MACROD2: variants seen among roughly 807,000 people sequenced by gnomAD.
MACROD2 encodes the protein mono-ADP ribosylhydrolase 2, also known as ADP-ribose glycohydrolase MACROD2.
MACROD2 carries 36 observed loss-of-function variants against 70.4 expected under a neutral mutation model. That is an observed-to-expected ratio of 0.51 (90% CI 0.39 to 0.68). The LOEUF (loss-of-function observed/expected upper bound fraction) is 0.68. Ranked by LOEUF, MACROD2 falls within the 30% of genes least tolerant of loss-of-function variation. The pLI is 0.00. For missense variants in MACROD2, 496 were observed against 538.4 expected, an observed-to-expected ratio of 0.92 and a Z score of 0.78; for synonymous variants, 172 against 178.8, an observed-to-expected ratio of 0.96 and a Z score of 0.30.
chr20:15,971,431 A>G (rs949444027), intron 13 of MACROD2, among the ~76,000 whole-genome samples: 2 of 151,180 alleles, frequency 1.3e-5, no homozygotes, highest in African/African-American at 4.9e-5. Context: ...CCCTGCACAC[A>G]CTCTCTTGCC....
chr20:15,443,477 T>G (rs2146378997), intron 7 of MACROD2, among the ~76,000 whole-genome samples: 1 of 152,258 alleles, frequency 6.6e-6, no homozygotes, highest in African/African-American at 2.4e-5. Context: ...TGAACTGAAA[T>G]TAACAAAATC....
chr20:15,973,724 A>T (rs577076286), intron 13 of MACROD2, among the ~76,000 whole-genome samples: 1 of 152,368 alleles, frequency 6.6e-6, no homozygotes, highest in South Asian at 2.1e-4. Context: ...CTTTAAAAGT[A>T]TAAAGTTAGA....
At chr20:15,699,396 T>C (rs1269737336) in intron 8 of MACROD2, among the ~76,000 whole-genome samples, 1 of 152,150 alleles carries the variant, frequency 6.6e-6, no homozygotes, top group East Asian at 1.9e-4. Flanking sequence ...TGGTACTGGG[T>C]GTTGTCTGCA....
At chr20:15,183,843 A>G (rs1360521816) in intron 5 of MACROD2, among the ~76,000 whole-genome samples, 1 of 152,204 alleles carries the variant, frequency 6.6e-6, no homozygotes, top group African/African-American at 2.4e-5. Flanking sequence ...TACAGCCACT[A>G]CCTGGAACAA....
At chr20:14,551,602 A>G (rs886560646) in intron 4 of MACROD2, among the ~76,000 whole-genome samples, 2 of 152,170 alleles carry the variant, frequency 1.3e-5, no homozygotes, top group African/African-American at 2.4e-5. Context: ...CACAACTATT[A>G]CCTTTTGCAA....
intron 6 of MACROD2, among the ~76,000 whole-genome samples, chr20:15,417,598 C>CAAAAAAAA (rs71340225): frequency 5.8e-5 from 4 of 69,282 alleles, no homozygotes; most frequent in Admixed American, 1.8e-4. Flanking sequence ...AACCCTGTCT[C>CAAAAAAAA]AAAAAAAAAA....
intron 5 of MACROD2, among the ~76,000 whole-genome samples, chr20:14,895,822 T>C (rs1451076394): frequency 1.3e-5 from 2 of 152,162 alleles, no homozygotes; most frequent in Non-Finnish European, 2.9e-5. Context: ...ATAATTAAAT[T>C]TTTAGATAAG....
intron 8 of MACROD2, among the ~76,000 whole-genome samples, chr20:15,772,097 AAAAAAT>A (rs1250298286): frequency 1.1e-4 from 10 of 93,430 alleles, no homozygotes; most frequent in East Asian, 5.1e-4. Flanking sequence ...AAAAAAAAAA[AAAAAAT>A]ATATATATAT....
At chr20:15,679,378 G>A (rs1477140513) in intron 8 of MACROD2, among the ~76,000 whole-genome samples, 3 of 152,138 alleles carry the variant, frequency 2.0e-5, no homozygotes, top group Non-Finnish European at 4.4e-5. Flanking sequence ...CATAGCAGGT[G>A]CACCAGGCAA....
intron 4 of MACROD2, among the ~76,000 whole-genome samples, chr20:14,682,121 A>T (rs966306512): frequency 1.3e-5 from 2 of 152,186 alleles, no homozygotes; most frequent in Non-Finnish European, 2.9e-5. Context: ...TGAGAATTAG[A>T]TATCTGCAAA....
At chr20:15,441,619 A>G (rs914127486) in intron 7 of MACROD2, among the ~76,000 whole-genome samples, 32 of 152,250 alleles carry the variant, frequency 2.1e-4, no homozygotes, top group Admixed American at 4.6e-4. Context: ...ATAATTAAAA[A>G]AGAAAACAAA....
At chr20:14,515,262 C>T (rs2085078787) in intron 4 of MACROD2, among the ~76,000 whole-genome samples, 1 of 151,990 alleles carries the variant, frequency 6.6e-6, no homozygotes, top group Non-Finnish European at 1.5e-5. Flanking sequence ...AAAACTAGCT[C>T]TGAAAAACTG....
chr20:15,246,132 G>A (rs989618337), intron 6 of MACROD2, among the ~76,000 whole-genome samples: 3 of 152,326 alleles, frequency 2.0e-5, no homozygotes, highest in Non-Finnish European at 2.9e-5. Context: ...TCTTATCTCA[G>A]TGTCAAAGCT....
At chr20:15,876,817 G>A (rs556724743) in intron 9 of MACROD2, among the ~76,000 whole-genome samples, 41 of 152,154 alleles carry the variant, frequency 2.7e-4, no homozygotes, top group Non-Finnish European at 5.3e-4. Context: ...TAACTGGGGT[G>A]AGATGATATC....
chr20:14,466,828 A>G (rs963202078), intron 3 of MACROD2, among the ~76,000 whole-genome samples: 2 of 152,080 alleles, frequency 1.3e-5, no homozygotes, highest in Non-Finnish European at 2.9e-5. Context: ...GGGTTTCAGC[A>G]GTGGTGGCTG....
At chr20:14,965,140 C>T (rs2074620963) in intron 5 of MACROD2, among the ~76,000 whole-genome samples, 1 of 152,060 alleles carries the variant, frequency 6.6e-6, no homozygotes, top group African/African-American at 2.4e-5. Flanking sequence ...GAGCCTACTT[C>T]TGATTGGTCA....
chr20:14,725,117 G>A (rs1354937066), intron 5 of MACROD2, among the ~76,000 whole-genome samples: 1 of 152,092 alleles, frequency 6.6e-6, no homozygotes, highest in Non-Finnish European at 1.5e-5. Context: ...ACAAATCCTA[G>A]GTTTTTGGCT....
intron 4 of MACROD2, among the ~76,000 whole-genome samples, chr20:14,498,814 C>G (rs999865131): frequency 6.6e-6 from 1 of 152,162 alleles, no homozygotes; most frequent in East Asian, 1.9e-4. Context: ...AGTGGAGCGC[C>G]CTCTCACCTC....
At chr20:15,005,141 C>T (rs538946545) in intron 5 of MACROD2, among the ~76,000 whole-genome samples, 1 of 152,276 alleles carries the variant, frequency 6.6e-6, no homozygotes, top group South Asian at 2.1e-4. Flanking sequence ...ATATCGCCAC[C>T]TTCAAACATA....
Sources: allele counts gnomAD v4.1 joint callset (sites outside exome capture counted in the v4.1 genomes callset), GRCh38; gene constraint gnomAD v4.1.1; transcripts MANE v1.5; gene names NCBI Gene and HGNC (gene_info 2026-07-23, HGNC 2026-07-21).